TMEM132B: variants seen among roughly 807,000 people sequenced by gnomAD.
TMEM132B encodes transmembrane protein 132B.
A neutral mutation model predicts 90.8 loss-of-function variants in TMEM132B; 18 were observed. The ratio of observed to expected loss-of-function variants is 0.20; its 90% CI spans 0.14 to 0.29. The LOEUF (loss-of-function observed/expected upper bound fraction) is 0.29, where lower values mean the gene tolerates loss of function less well. TMEM132B is among the 10% of genes least tolerant of loss of function. The probability of loss-of-function intolerance (pLI) is 1.00; values close to 1 mark genes in which losing one functional copy is unlikely to be tolerated. For missense variants in TMEM132B, 1,096 were observed against 1,326.8 expected (o/e 0.83, Z 2.70); for synonymous variants, 504 against 523.3 (o/e 0.96, Z 0.50).
rs377126506 is a variant in TMEM132B, at chr12:125,583,622, G to T, written c.1294-229G>T. 1.1e-4 allele frequency among the ~76,000 whole-genome samples: 16 copies of T among 152,260 alleles called. No homozygotes were observed. In the East Asian group the frequency reaches 2.3e-3, roughly 22 times the overall value. ...GAGGGAGAATGACCCTGCACCTGGG[G>T]ACTGGGAAGACATTCCAACCAACCA... is the stretch of plus-strand genomic sequence containing the variant. On this transcript the variant is annotated intron_variant, in intron 4 of 8. Transcript: ENST00000682704.
chr12:125,216,406 C>T (rs1005218618), intron 1 of TMEM132B, among the ~76,000 whole-genome samples: 8 of 152,172 alleles, frequency 5.3e-5, no homozygotes, highest in Admixed American at 5.2e-4. Context: ...TAAGGCCTGA[C>T]CTTCAAATAT....
Position 125,277,159 on chromosome 12 carries a change from A to G in TMEM132B, c.68-72293A>G, listed in dbSNP as rs1875013468. 6.6e-6 allele frequency among the ~76,000 whole-genome samples: 1 copy of G among 152,134 alleles called. No individual in the cohort carries two copies. ...GATGTGGTCATTAGGGTGGGCCCTA[A>G]TCCCATATGACTGGTGTCCTTAGAT... On this transcript the variant is annotated intron_variant, in intron 1 of 8. Transcript: ENST00000682704. This position sits in a 1 kb window ranked among gnomAD's most constrained non-coding sequence, Gnocchi z 4.3.
intron 5 of TMEM132B, among the ~76,000 whole-genome samples, chr12:125,619,012 C>T (rs1886056721): frequency 1.3e-5 from 2 of 152,104 alleles, no homozygotes; most frequent in Admixed American, 6.6e-5. Flanking sequence ...GCATTCTGCT[C>T]CTGGCTGACC....
At chr12:125,384,297 A>T (rs1208889899) in intron 2 of TMEM132B, among the ~76,000 whole-genome samples, 1 of 152,182 alleles carries the variant, frequency 6.6e-6, no homozygotes, top group Non-Finnish European at 1.5e-5. Flanking sequence ...TCCTTGTCAT[A>T]CCACCTAAAG....
rs1593005703 is a variant in TMEM132B, at chr12:125,584,231, C to G, written c.1437+237C>G. The G allele has an allele frequency of 1.5e-5, 8 of 541,520 alleles. No individual in the cohort carries two copies. The Middle Eastern group carries it at 2.2e-3, about 151-fold the overall frequency. 33.5% of individuals were successfully genotyped at this position (541,520 alleles called of 1,614,324 possible). ...AAGGGGAATCCCTGACCCTTAATCT[C>G]CAGCAGAAAGAATTTATTCTCCTCC... On this transcript the variant is annotated intron_variant, in intron 5 of 8. Transcript: ENST00000682704.
intron 3 of TMEM132B, among the ~76,000 whole-genome samples, chr12:125,471,261 G>C (rs1380856206): frequency 6.6e-6 from 1 of 152,248 alleles, no homozygotes; most frequent in Admixed American, 6.5e-5. Context: ...ATGGGCTGCT[G>C]TGGTCCGGGG....
intron 2 of TMEM132B, among the ~76,000 whole-genome samples, chr12:125,382,039 A>G (rs1210758177): frequency 2.0e-5 from 3 of 152,070 alleles, no homozygotes; most frequent in Non-Finnish European, 4.4e-5. Context: ...TCTCCTTCCT[A>G]TTCTACGAGA....
rs1022652759 is a variant in TMEM132B at position 125,209,879 on chromosome 12, G to A, written c.67+23013G>A. ...TCACTGGAGATAAATACTGTTAGAT[G>A]GCCAGAGTGTCTTCCTCGCCTTGTC... On this transcript the variant is annotated intron_variant, in intron 1 of 8. Transcript: ENST00000682704. This position sits in a 1 kb window ranked among gnomAD's most constrained non-coding sequence, Gnocchi z 4.4. 1.3e-5 allele frequency among the ~76,000 whole-genome samples: 2 copies of A among 152,174 alleles called. No homozygotes were observed. Among genetic ancestry groups the A allele is most frequent in the African/African-American group, 4.8e-5 (2 of 41,430 alleles).
At chr12:125,343,072 G>T (rs1303110699) in intron 1 of TMEM132B, among the ~76,000 whole-genome samples, 1 of 152,132 alleles carries the variant, frequency 6.6e-6, no homozygotes, top group African/African-American at 2.4e-5. Context: ...GGATACAGCT[G>T]GAGGTAGGAG....
intron 4 of TMEM132B, among the ~76,000 whole-genome samples, chr12:125,572,441 T>C (rs1472450385): frequency 1.3e-5 from 2 of 152,220 alleles, no homozygotes; most frequent in African/African-American, 2.4e-5. Context: ...CAAGGCACCA[T>C]CTTGGAAGCA....
chr12:125,187,895 C>T (rs886130749), intron 1 of TMEM132B, among the ~76,000 whole-genome samples: 2 of 151,854 alleles, frequency 1.3e-5, no homozygotes, highest in East Asian at 1.9e-4. Flanking sequence ...AAAATCAAGA[C>T]CCATGATTTG....
intron 1 of TMEM132B, among the ~76,000 whole-genome samples, chr12:125,321,578 A>G (rs1033939087): frequency 3.3e-5 from 5 of 151,618 alleles, no homozygotes; most frequent in African/African-American, 1.2e-4. Flanking sequence ...CCCAGGTTCA[A>G]GCGATTCCTC....
At chr12:125,596,271 A>C (rs1885437872) in intron 5 of TMEM132B, among the ~76,000 whole-genome samples, 1 of 152,194 alleles carries the variant, frequency 6.6e-6, no homozygotes, top group Non-Finnish European at 1.5e-5. Context: ...GTCTCAGCTG[A>C]AAACAATGGG....
rs2137055377 is a variant in TMEM132B, at chr12:125,653,647, T to C, written c.2189T>C (p.Val730Ala). Residue 730 changes from valine (V) to alanine (A), a missense_variant, in exon 9 of 9, where the codon GTT becomes GCT. By Grantham distance (64) the Val-to-Ala change is moderately conservative. Transcript: ENST00000682704. ...ATTTACGATCCTAAGGATTATTCTG[T>C]TACTGTCTCATCATTGGATGAAATG... ...LDIYDPKDYS[V>A]TVSSLDEMVV... is the part of the protein sequence containing the mutation. 6.2e-7 allele frequency: 1 copy of C among 1,614,258 alleles called. No individual in the cohort carries two copies. Among genetic ancestry groups the C allele is most frequent in the Middle Eastern group, 1.6e-4 (1 of 6,062 alleles).
At position 125,655,781 on chromosome 12, in the gene TMEM132B, C is replaced by T. The variant is rs1404327524; in HGVS notation, c.*1071C>T. The T allele has an allele frequency of 1.3e-5, 2 of 149,204 alleles. No homozygotes were observed. Among genetic ancestry groups the T allele is most frequent in the African/African-American group, 2.5e-5 (1 of 40,386 alleles). 9.2% of individuals were successfully genotyped at this position (149,204 alleles called of 1,614,324 possible). On this transcript the variant is annotated 3_prime_UTR_variant, in exon 9 of 9. Transcript: ENST00000682704. ...ATGCAGATTACACTTTCCATTTTAC[C>T]AGAACAAAAGTTTTTTTTTTTTTAA... is the stretch of plus-strand genomic sequence containing the variant.
intron 4 of TMEM132B, among the ~76,000 whole-genome samples, chr12:125,542,984 G>A (rs961641167): frequency 2.0e-5 from 3 of 152,210 alleles, no homozygotes; most frequent in African/African-American, 4.8e-5. Flanking sequence ...AATGAGAAAT[G>A]CATATTTCAG....
intron 1 of TMEM132B, among the ~76,000 whole-genome samples, chr12:125,252,040 C>T (rs191504396): frequency 3.9e-5 from 6 of 152,290 alleles, no homozygotes; most frequent in Admixed American, 2.6e-4. Context: ...AGCCTTCTTA[C>T]AAAGAGGTGG....
chr12:125,361,128 C>A (rs1302337598), intron 2 of TMEM132B, among the ~76,000 whole-genome samples: 1 of 152,166 alleles, frequency 6.6e-6, no homozygotes, highest in Non-Finnish European at 1.5e-5. Context: ...ACTACAGGGA[C>A]ACGCCCGCTG....
At chr12:125,516,518 G>A (rs901703860) in intron 3 of TMEM132B, among the ~76,000 whole-genome samples, 1 of 152,212 alleles carries the variant, frequency 6.6e-6, no homozygotes, top group East Asian at 1.9e-4. Flanking sequence ...TCCATTCATT[G>A]CTGGACTTGG....
Sources: allele counts gnomAD v4.1 joint callset (sites outside exome capture counted in the v4.1 genomes callset), GRCh38; gene constraint gnomAD v4.1.1; non-coding constraint Gnocchi (gnomAD v3.1); transcripts MANE v1.5; gene names NCBI Gene and HGNC (gene_info 2026-07-23, HGNC 2026-07-21).